The following MBOAT1 variants were observed in gnomAD, a reference collection of about 807,000 sequenced individuals.
MBOAT1 encodes the protein membrane bound glycerophospholipid O-acyltransferase 1.
In MBOAT1, 67 loss-of-function variants were observed where a neutral mutation model predicts 64.4. That is an observed-to-expected ratio of 1.04 (90% CI 0.85 to 1.27). The LOEUF (loss-of-function observed/expected upper bound fraction) is 1.27, where lower values mean the gene tolerates loss of function less well. Among genes scored for constraint, MBOAT1 ranks in the 50% most tolerant of loss-of-function variants. The pLI, the probability that MBOAT1 is intolerant of heterozygous loss-of-function variation, is 0.00. For synonymous variants in MBOAT1, 229 were observed against 218.9 expected, an observed-to-expected ratio of 1.05 and a Z score of -0.41; for missense variants, 563 against 604.6, an observed-to-expected ratio of 0.93 and a Z score of 0.72.
At chr6:20,153,356 A>T (rs1761584310) in intron 1 of MBOAT1, among the ~76,000 whole-genome samples, 1 of 152,226 alleles carries the variant, frequency 6.6e-6, no homozygotes, top group African/African-American at 2.4e-5. Context: ...TCATGGAAAC[A>T]GCCTAAGCTA....
In MBOAT1 at chr6:20,115,277, G is replaced by A. The variant is rs769981257; in HGVS notation, c.1076+11C>T. ...TGCCCTAAGTAATGAGGTCGTTTTT[G>A]TTTTTCTTACCACTTTAGCCAAGTA... is the stretch of plus-strand genomic sequence containing the variant. On this transcript the variant is annotated intron_variant, in intron 10 of 12. Coordinates refer to ENST00000324607, the MANE Select transcript of MBOAT1 (RefSeq NM_001080480.3). 4 of 1,588,644 alleles carry A rather than the reference G, an allele frequency of 2.5e-6. No homozygotes were observed. The highest frequency in any genetic ancestry group is 3.5e-6 in the Non-Finnish European group (4 of 1,158,888).
At chr6:20,149,136 A>T (rs1209815500) in intron 3 of MBOAT1, among the ~76,000 whole-genome samples, 1 of 151,196 alleles carries the variant, frequency 6.6e-6, no homozygotes, top group Non-Finnish European at 1.5e-5. Flanking sequence ...AAAAAAAGGA[A>T]CATCTTGTGC....
Position 20,173,453 on chromosome 6 carries a change from C to T in MBOAT1, c.100-20684G>A, listed in dbSNP as rs369674850. On this transcript the variant is annotated intron_variant, in intron 1 of 12. Transcript: ENST00000324607. ...AATTAAAACAGGTTTTTAATAGATA[C>T]CACATTGAATGGAAATATTTTATCA... 2.0e-5 allele frequency among the ~76,000 whole-genome samples: 3 copies of T among 152,000 alleles called. 1 individual carries two copies.
At chr6:20,207,420 G>A (rs1019015716) in intron 1 of MBOAT1, among the ~76,000 whole-genome samples, 5 of 152,164 alleles carry the variant, frequency 3.3e-5, no homozygotes, top group East Asian at 1.9e-4. Context: ...TCAGCAGGAC[G>A]GGGCAGGATC....
At chr6:20,141,341 T>A (rs181202796) in intron 4 of MBOAT1, among the ~76,000 whole-genome samples, 1,924 of 144,036 alleles carry the variant, frequency 0.013, 30 homozygotes, top group Non-Finnish European at 0.021. Flanking sequence ...TCTCATTTTT[T>A]CTTTTCTTTT....
At chr6:20,122,445 G>A (rs553101415) in intron 8 of MBOAT1, among the ~76,000 whole-genome samples, 2 of 152,102 alleles carry the variant, frequency 1.3e-5, no homozygotes, top group East Asian at 1.9e-4. Context: ...GAGAGTCAAC[G>A]TCCTACCTTT....
chr6:20,182,770 C>T (rs573208134), intron 1 of MBOAT1, among the ~76,000 whole-genome samples: 2 of 152,322 alleles, frequency 1.3e-5, no homozygotes, highest in Admixed American at 1.3e-4. Flanking sequence ...CCTCCCTTAA[C>T]TCAGGTCCAT....
At chr6:20,149,208 G>A (rs539136672) in intron 3 of MBOAT1, among the ~76,000 whole-genome samples, 1 of 152,128 alleles carries the variant, frequency 6.6e-6, no homozygotes, top group South Asian at 2.1e-4. Context: ...TACTGTGGTG[G>A]CACCGTCATA....
At chr6:20,111,139 T>C (rs1341938250) in intron 11 of MBOAT1, among the ~76,000 whole-genome samples, 1 of 152,184 alleles carries the variant, frequency 6.6e-6, no homozygotes, top group Non-Finnish European at 1.5e-5. Context: ...AATTGCTAGG[T>C]CGAAGGATAT....
At chr6:20,174,639 A>G (rs1313399804) in intron 1 of MBOAT1, among the ~76,000 whole-genome samples, 2 of 152,228 alleles carry the variant, frequency 1.3e-5, no homozygotes, top group African/African-American at 2.4e-5. Flanking sequence ...TTACACCAGC[A>G]TCACTACAAA....
rs954977702 is a variant in MBOAT1, at chr6:20,152,387, TA to T, written c.245+236del. On this transcript the variant is annotated intron_variant, in intron 2 of 12. Transcript: ENST00000324607. ...TAAATTAATTAATTAATTAATTAATTAAAAAAAAGAAAAAGTGAACTATACT... is the reference window on the plus strand; with the variant it reads ...TAAATTAATTAATTAATTAATTAATTAAAAAAAGAAAAAGTGAACTATACT... Among the ~76,000 whole-genome samples, 283 of 33,388 alleles carry T rather than the reference TA, an allele frequency of 8.5e-3. 2 individuals are homozygous for T. Among genetic ancestry groups the T allele is most frequent in the Admixed American group, 0.019 (57 of 3,018 alleles). 21.9% of individuals were successfully genotyped at this position (33,388 alleles called of 152,430 possible).
intron 1 of MBOAT1, among the ~76,000 whole-genome samples, chr6:20,164,390 T>C (rs1362059340): frequency 6.6e-6 from 1 of 152,132 alleles, no homozygotes; most frequent in East Asian, 1.9e-4. Context: ...TGGTGGGCAC[T>C]AAATGGAACG....
chr6:20,144,440 G>T, intron 3 of MBOAT1, 125 bp from the exon 4 acceptor site: 1 of 644,726 alleles, frequency 1.6e-6, no homozygotes, highest in African/African-American at 1.8e-5. Context: ...CTGGTCTGAC[G>T]ACATCCCAGG....
intron 1 of MBOAT1, among the ~76,000 whole-genome samples, chr6:20,196,211 A>G (rs1026987301): frequency 6.6e-6 from 1 of 152,270 alleles, no homozygotes; most frequent in Admixed American, 6.5e-5. Context: ...CCTCAGCTGC[A>G]GAAGCCCAAA....
At chr6:20,153,170 C>T (rs1268259557) in intron 1 of MBOAT1, among the ~76,000 whole-genome samples, 1 of 152,172 alleles carries the variant, frequency 6.6e-6, no homozygotes, top group East Asian at 1.9e-4. Flanking sequence ...CATCAAGAGG[C>T]TTCTCAGACT....
intron 1 of MBOAT1, among the ~76,000 whole-genome samples, chr6:20,189,071 G>C (rs1762733471): frequency 6.6e-6 from 1 of 152,040 alleles, no homozygotes; most frequent in South Asian, 2.1e-4. Flanking sequence ...GTGTTTAAGA[G>C]CTGCCCAGAA....
At chr6:20,163,170 C>CCTACGT (rs1334310284) in intron 1 of MBOAT1, among the ~76,000 whole-genome samples, 2 of 152,144 alleles carry the variant, frequency 1.3e-5, no homozygotes, top group African/African-American at 4.8e-5. Context: ...CTACGTATTT[C>CCTACGT]AGCCTGCCTC....
chr6:20,107,703 T>C (rs1760000742), intron 12 of MBOAT1, among the ~76,000 whole-genome samples: 1 of 151,862 alleles, frequency 6.6e-6, no homozygotes, highest in African/African-American at 2.4e-5. Flanking sequence ...CTGAGTGGAA[T>C]ACAGGCACTT....
intron 1 of MBOAT1, among the ~76,000 whole-genome samples, chr6:20,169,462 T>A (rs1267959774): frequency 1.3e-5 from 2 of 152,180 alleles, no homozygotes; most frequent in Middle Eastern, 3.4e-3. Context: ...ACTGACGAAA[T>A]AGGAATATCT....
Sources: gnomAD v4.1 joint callset for allele counts (sites outside exome capture counted in the v4.1 genomes callset) on GRCh38, gnomAD v4.1.1 for gene constraint, MANE v1.5 for transcripts, NCBI Gene and HGNC (gene_info 2026-07-23, HGNC 2026-07-21) for gene names.